UBE2L3: variants seen among roughly 807,000 people sequenced by gnomAD.
The protein encoded by UBE2L3 is ubiquitin-conjugating enzyme E2 L3.
A neutral mutation model predicts 17.8 loss-of-function variants in UBE2L3; 1 was observed. The ratio of observed to expected loss-of-function variants is 0.06; its 90% CI spans 0.02 to 0.27. The LOEUF (loss-of-function observed/expected upper bound fraction) is 0.27. Ranked by LOEUF, UBE2L3 falls within the 10% of genes least tolerant of loss-of-function variation. UBE2L3 has a pLI of 1.00. For missense variants in UBE2L3, 40 were observed against 192.6 expected, an observed-to-expected ratio of 0.21 and a Z score of 4.69; for synonymous variants, 44 against 68.5, an observed-to-expected ratio of 0.64 and a Z score of 1.76.
intron 1 of UBE2L3, among the ~76,000 whole-genome samples, chr22:21,588,048 C>T (rs1309878613): frequency 6.6e-6 from 1 of 152,176 alleles, no homozygotes; most frequent in Non-Finnish European, 1.5e-5. Context: ...CTGGTGCTTT[C>T]CCTTGAACTC....
In UBE2L3 at chr22:21,623,729, G is replaced by T. The variant is rs1297158419; in HGVS notation, c.*2060G>T. 6.5e-6 allele frequency: 1 copy of T among 152,894 alleles called. No individual in the cohort carries two copies. The highest frequency in any genetic ancestry group is 2.4e-5 in the African/African-American group (1 of 41,472). 9.5% of individuals were successfully genotyped at this position (152,894 alleles called of 1,614,324 possible). Reference sequence around the variant, plus strand: ...AGGCTTGGCTTTCGAGCCAGTGGGTGTCTCTCCTTTGGGCCTGGGCGGCTT... The same window carrying T: ...AGGCTTGGCTTTCGAGCCAGTGGGTTTCTCTCCTTTGGGCCTGGGCGGCTT... On this transcript the variant is annotated 3_prime_UTR_variant, in exon 4 of 4. Coordinates refer to ENST00000342192, the MANE Select transcript of UBE2L3 (RefSeq NM_003347.4).
intron 3 of UBE2L3, among the ~76,000 whole-genome samples, chr22:21,616,279 G>A (rs1262386444): frequency 6.6e-6 from 1 of 152,178 alleles, no homozygotes; most frequent in African/African-American, 2.4e-5. Context: ...TTGAGACAAA[G>A]TAGATTAGTG....
Position 21,589,142 on chromosome 22 carries a change from A to ATTTT in UBE2L3, c.28-3701_28-3698dup, listed in dbSNP as rs768593270. On this transcript the variant is annotated intron_variant, in intron 1 of 3. Transcript: ENST00000342192. ...TTTCCTCAGTGGAGGCATGATTGGAATTTTTTTTTTTTTTTTTTTTTGAGA... is the reference window on the plus strand; with the variant it reads ...TTTCCTCAGTGGAGGCATGATTGGAATTTTTTTTTTTTTTTTTTTTTTTTTGAGA... 1.5e-3 allele frequency among the ~76,000 whole-genome samples: 167 copies of ATTTT among 111,688 alleles called. 1 individual carries two copies. The highest frequency in any genetic ancestry group is 5.2e-3 in the South Asian group (18 of 3,470). 73.3% of individuals were successfully genotyped at this position (111,688 alleles called of 152,430 possible).
rs572857170 is a variant in UBE2L3, at chr22:21,615,301, G to A, written c.310+4258G>A. ...CCGGGCGCGGTGGCTCACGCCTGTA[G>A]TCCCAGCACTTTGGGAGGCCAAGGC... On this transcript the variant is annotated intron_variant, in intron 3 of 3. Transcript: ENST00000342192. 1.6e-3 allele frequency among the ~76,000 whole-genome samples: 246 copies of A among 151,544 alleles called. 3 individuals carry two copies. The highest frequency in any genetic ancestry group is 3.3e-3 in the African/African-American group (138 of 41,348).
rs568413033 is a variant in UBE2L3, at chr22:21,620,272, A to G, written c.311-1243A>G. Reference sequence around the variant, plus strand: ...CTGTACTCTAGCCTAGGTTAAAAAAAAAAATTAGCTGGACGTGATGGCATG... The same window carrying G: ...CTGTACTCTAGCCTAGGTTAAAAAAGAAAATTAGCTGGACGTGATGGCATG... On this transcript the variant is annotated intron_variant, in intron 3 of 3. Transcript: ENST00000342192. Among the ~76,000 whole-genome samples the G allele has an allele frequency of 2.0e-5, 3 of 152,178 alleles. No individual in the cohort carries two copies. In the South Asian group the frequency reaches 6.2e-4, roughly 32 times the overall value.
chr22:21,564,638 A>T (rs572841556), upstream of UBE2L3, among the ~76,000 whole-genome samples: 1 of 152,338 alleles, frequency 6.6e-6, no homozygotes, highest in Admixed American at 6.5e-5. Context: ...GGCAAAGGCT[A>T]GTCCTTGACA....
rs12160982 is a variant in UBE2L3 at position 21,615,669 on chromosome 22, C to T, written c.310+4626C>T. On this transcript the variant is annotated intron_variant, in intron 3 of 3. Coordinates refer to ENST00000342192, the MANE Select transcript of UBE2L3 (RefSeq NM_003347.4). ...TCATTGTTCATAGAGTCTGCGTTTGCGAATTTGCCTACTCACTAAAGTTTT... is the reference window on the plus strand; with the variant it reads ...TCATTGTTCATAGAGTCTGCGTTTGTGAATTTGCCTACTCACTAAAGTTTT... Among the ~76,000 whole-genome samples the T allele has an allele frequency of 6.1e-3, 921 of 152,224 alleles. 6 individuals carry two copies. The highest frequency in any genetic ancestry group is 0.021 in the African/African-American group (864 of 41,534).
In UBE2L3 at chr22:21,623,183, T is replaced by C. The variant is rs1054516143; in HGVS notation, c.*1514T>C. 2 of 152,354 alleles carry C rather than the reference T, an allele frequency of 1.3e-5. No homozygotes were observed. The highest frequency in any genetic ancestry group is 3.7e-4 in the East Asian group (2 of 5,338). The allele number at this position is 152,354 out of a possible 1,614,324, so 9.4% of individuals were successfully genotyped here. A position where few individuals can be genotyped will look rare whatever the true frequency, so the allele number is the denominator to read the frequency against. ...TTAATTTTAATTCTATAACTTGAGA[T>C]CTTTCCGGGGCCTACAGGCGTGTAA... On this transcript the variant is annotated 3_prime_UTR_variant, in exon 4 of 4. Coordinates refer to ENST00000342192, the MANE Select transcript of UBE2L3 (RefSeq NM_003347.4).
rs907165898 is a variant in UBE2L3 at position 21,623,356 on chromosome 22, C to T, written c.*1687C>T. On this transcript the variant is annotated 3_prime_UTR_variant, in exon 4 of 4. Coordinates refer to ENST00000342192, the MANE Select transcript of UBE2L3 (RefSeq NM_003347.4). ...CCAAGGGCAGGTTTCTGGAGACTCC[C>T]TTGTGCCCGGGATGGCAAGGGCACC... 3 of 152,758 alleles carry T rather than the reference C, an allele frequency of 2.0e-5. No homozygotes were observed. Among genetic ancestry groups the T allele is most frequent in the Admixed American group, 1.3e-4 (2 of 15,276 alleles). The allele number at this position is 152,758 out of a possible 1,614,324, so 9.5% of individuals were successfully genotyped here.
intron 3 of UBE2L3, among the ~76,000 whole-genome samples, chr22:21,615,416 T>A (rs1235999354): frequency 2.7e-5 from 4 of 147,586 alleles, no homozygotes; most frequent in African/African-American, 7.5e-5. Flanking sequence ...TTAGCCGAGC[T>A]TGGTGGCAGG....
At chr22:21,605,584 C>T (rs1929117108) in intron 2 of UBE2L3, among the ~76,000 whole-genome samples, 1 of 152,160 alleles carries the variant, frequency 6.6e-6, no homozygotes. Context: ...CAGCTCACCA[C>T]AACCTCTGTC....
At chr22:21,578,217 G>C (rs920289694) in intron 1 of UBE2L3, among the ~76,000 whole-genome samples, 1 of 151,754 alleles carries the variant, frequency 6.6e-6, no homozygotes, top group Non-Finnish European at 1.5e-5. Context: ...AAAATTAGCC[G>C]GGCGTGGTGG....
rs114912032 is a variant in UBE2L3 at position 21,573,722 on chromosome 22, T to C, written c.27+5951T>C. 5.3e-3 allele frequency among the ~76,000 whole-genome samples: 808 copies of C among 152,266 alleles called. 13 individuals are homozygous for C. Among genetic ancestry groups the C allele is most frequent in the African/African-American group, 0.019 (783 of 41,554 alleles). On this transcript the variant is annotated intron_variant, in intron 1 of 3. Coordinates refer to ENST00000342192, the MANE Select transcript of UBE2L3 (RefSeq NM_003347.4). ...TGTGGGCAGTGCCTATGGGAAATGCTTTGAGGAGCCCCAGAGACCATCTGC... is the reference window on the plus strand; with the variant it reads ...TGTGGGCAGTGCCTATGGGAAATGCCTTGAGGAGCCCCAGAGACCATCTGC...
intron 1 of UBE2L3, among the ~76,000 whole-genome samples, chr22:21,572,385 A>G (rs1927018368): frequency 7.0e-6 from 1 of 143,120 alleles, no homozygotes; most frequent in Admixed American, 7.4e-5. Context: ...CGGTGAGCCA[A>G]GATTGTGTCA....
intron 3 of UBE2L3, among the ~76,000 whole-genome samples, chr22:21,612,474 C>T (rs1016051036): frequency 2.7e-5 from 4 of 149,130 alleles, no homozygotes; most frequent in African/African-American, 9.9e-5. Context: ...TACAGGCACC[C>T]GCCACCACGC....
intron 1 of UBE2L3, among the ~76,000 whole-genome samples, chr22:21,573,418 CT>C (rs1046063982): frequency 6.6e-6 from 1 of 152,120 alleles, no homozygotes; most frequent in Non-Finnish European, 1.5e-5. Context: ...ACTTTTTGAC[CT>C]TTGAGACTCA....
At chr22:21,618,391 C>T (rs938823668) in intron 3 of UBE2L3, among the ~76,000 whole-genome samples, 1 of 151,428 alleles carries the variant, frequency 6.6e-6, no homozygotes, top group Non-Finnish European at 1.5e-5. Flanking sequence ...GGTGAAACCC[C>T]GTCTCTACTA....
intron 1 of UBE2L3, among the ~76,000 whole-genome samples, chr22:21,559,783 C>T (rs1169207912): frequency 1.3e-5 from 2 of 152,164 alleles, no homozygotes; most frequent in Non-Finnish European, 2.9e-5. Flanking sequence ...CCTATCATGA[C>T]CCTCGTTTGA....
At chr22:21,591,857 T>C (rs1928282671) in intron 1 of UBE2L3, among the ~76,000 whole-genome samples, 1 of 152,044 alleles carries the variant, frequency 6.6e-6, no homozygotes, top group South Asian at 2.1e-4. Flanking sequence ...TTTGTGCCAC[T>C]GGATGGGAGG....
Sources: gnomAD v4.1 joint callset for allele counts (sites outside exome capture counted in the v4.1 genomes callset) on GRCh38, gnomAD v4.1.1 for gene constraint, MANE v1.5 for transcripts, NCBI Gene and HGNC (gene_info 2026-07-23, HGNC 2026-07-21) for gene names.